Variants in NAALADL2 observed in about 807,000 individuals in gnomAD.
NAALADL2 encodes N-acetylated alpha-linked acidic dipeptidase like 2.
Under a neutral mutation model 87.2 loss-of-function variants are expected in NAALADL2, and 76 were observed. That is an observed-to-expected ratio of 0.87 (90% CI 0.72 to 1.05). The LOEUF is 1.05. Among genes scored for constraint, NAALADL2 ranks in the 50% least tolerant of loss-of-function variants. The pLI is 0.00. For synonymous variants in NAALADL2, 354 were observed against 331.0 expected (o/e 1.07, Z -0.75); for missense variants, 1,089 against 945.8 (o/e 1.15, Z -1.99).
At chr3:175,429,609 A>AT (rs1196833088) in intron 5 of NAALADL2, among the ~76,000 whole-genome samples, 2 of 151,876 alleles carry the variant, frequency 1.3e-5, no homozygotes, top group African/African-American at 4.8e-5. Context: ...CCCCAAATCC[A>AT]TTTTTCCATA....
chr3:175,440,045 C>T (rs1033280150), intron 5 of NAALADL2, among the ~76,000 whole-genome samples: 1 of 152,082 alleles, frequency 6.6e-6, no homozygotes, highest in Non-Finnish European at 1.5e-5. Context: ...TTTGGTTCGT[C>T]TTGAGTTGAT....
intron 3 of NAALADL2, among the ~76,000 whole-genome samples, chr3:174,748,625 C>A (rs1578773908): frequency 6.6e-6 from 1 of 152,110 alleles, no homozygotes; most frequent in African/African-American, 2.4e-5. Flanking sequence ...GGAAAAGATG[C>A]CAGCATTGTT....
intron 11 of NAALADL2, among the ~76,000 whole-genome samples, chr3:175,630,889 C>G (rs978000105): frequency 6.6e-6 from 1 of 151,346 alleles, no homozygotes; most frequent in Non-Finnish European, 1.5e-5. Flanking sequence ...AATTATGAAG[C>G]AGAATTATTA....
At chr3:174,731,766 AACT>A (rs1169227992) in intron 2 of NAALADL2, among the ~76,000 whole-genome samples, 3 of 152,108 alleles carry the variant, frequency 2.0e-5, no homozygotes, top group African/African-American at 7.2e-5. Flanking sequence ...CTAGTGCAAA[AACT>A]ACCTTTAAGA....
At chr3:174,485,172 A>G (rs1717776250) in intron 1 of NAALADL2, among the ~76,000 whole-genome samples, 1 of 151,994 alleles carries the variant, frequency 6.6e-6, no homozygotes, top group Non-Finnish European at 1.5e-5. Flanking sequence ...AATAATATAA[A>G]CCTAAAAATG....
chr3:174,825,591 C>T (rs1298329922), intron 3 of NAALADL2, among the ~76,000 whole-genome samples: 1 of 152,192 alleles, frequency 6.6e-6, no homozygotes, highest in Admixed American at 6.5e-5. Context: ...GTTTTGCCAG[C>T]TATCTGGGCA....
At chr3:174,788,735 G>A (rs1402933490) in intron 3 of NAALADL2, among the ~76,000 whole-genome samples, 1 of 152,094 alleles carries the variant, frequency 6.6e-6, no homozygotes, top group Non-Finnish European at 1.5e-5. Context: ...AGGAAAAAGA[G>A]GTGATAGAAT....
At chr3:174,516,677 T>C (rs1719953458) in intron 1 of NAALADL2, among the ~76,000 whole-genome samples, 2 of 152,098 alleles carry the variant, frequency 1.3e-5, no homozygotes, top group African/African-American at 2.4e-5. Flanking sequence ...TACTCTTGTC[T>C]AATACAAGTT....
chr3:174,488,763 A>G (rs1718009979), intron 1 of NAALADL2, among the ~76,000 whole-genome samples: 1 of 151,950 alleles, frequency 6.6e-6, no homozygotes, highest in South Asian at 2.1e-4. Context: ...CCTGTACTAA[A>G]TCAGCCTACT....
At chr3:175,042,636 T>A (rs1358107808) in intron 1 of NAALADL2, among the ~76,000 whole-genome samples, 1 of 152,234 alleles carries the variant, frequency 6.6e-6, no homozygotes, top group Non-Finnish European at 1.5e-5. Context: ...TTCTAATAGA[T>A]GTGAGGTGAT....
At chr3:175,443,718 C>T (rs1431897103) in intron 5 of NAALADL2, among the ~76,000 whole-genome samples, 6 of 152,054 alleles carry the variant, frequency 3.9e-5, no homozygotes, top group South Asian at 2.1e-4. Flanking sequence ...CCGTTATGTA[C>T]CTGACAAGGT....
chr3:175,647,143 G>A (rs1244049445), intron 11 of NAALADL2, among the ~76,000 whole-genome samples: 2 of 152,036 alleles, frequency 1.3e-5, no homozygotes, highest in South Asian at 2.1e-4. Context: ...TCACCAAAGC[G>A]AGTCATATGG....
At chr3:175,397,737 T>C (rs961562205) in intron 5 of NAALADL2, among the ~76,000 whole-genome samples, 2 of 152,172 alleles carry the variant, frequency 1.3e-5, no homozygotes, top group African/African-American at 2.4e-5. Context: ...AGTTTCTGGG[T>C]CAAATGCACA....
intron 2 of NAALADL2, among the ~76,000 whole-genome samples, chr3:174,566,910 A>T (rs1210677425): frequency 6.6e-6 from 1 of 151,704 alleles, no homozygotes; most frequent in Non-Finnish European, 1.5e-5. Context: ...GGTATGTTTT[A>T]TTGATGATAG....
intron 5 of NAALADL2, among the ~76,000 whole-genome samples, chr3:175,387,526 A>G (rs1267753523): frequency 6.6e-6 from 1 of 151,976 alleles, no homozygotes; most frequent in Non-Finnish European, 1.5e-5. Flanking sequence ...AAATTTAGGA[A>G]CTGTTTTACT....
intron 2 of NAALADL2, among the ~76,000 whole-genome samples, chr3:174,645,949 G>T (rs1723737245): frequency 6.6e-6 from 1 of 152,122 alleles, no homozygotes; most frequent in African/African-American, 2.4e-5. Context: ...AATCACAAGG[G>T]TCTAGACAGT....
intron 2 of NAALADL2, among the ~76,000 whole-genome samples, chr3:174,657,111 C>T (rs992877755): frequency 4.2e-5 from 6 of 142,988 alleles, no homozygotes; most frequent in Non-Finnish European, 6.0e-5. Flanking sequence ...CTCACTACAA[C>T]CTCTACCTCT....
rs67510422 is a variant in NAALADL2, at chr3:175,379,191, C to CT, written c.1090+54881dup. 4.1e-3 allele frequency among the ~76,000 whole-genome samples: 589 copies of CT among 142,774 alleles called. 5 individuals carry two copies. Among genetic ancestry groups the CT allele is most frequent in the African/African-American group, 0.012 (452 of 39,074 alleles). The allele number at this position is 142,774 out of a possible 152,430, so 93.7% of individuals were successfully genotyped here. A position where few individuals can be genotyped will look rare whatever the true frequency, so the allele number is the denominator to read the frequency against. On this transcript the variant is annotated intron_variant, in intron 5 of 13. Coordinates refer to ENST00000454872, the MANE Select transcript of NAALADL2 (RefSeq NM_207015.3). ...TTACTTAACCTGTTTCTTCCTCTCTCTTTTTTTTTTTTTTTCCTGTAGAAT... is the reference window on the plus strand; with the variant it reads ...TTACTTAACCTGTTTCTTCCTCTCTCTTTTTTTTTTTTTTTTCCTGTAGAAT...
At chr3:175,260,420 G>A (rs962522703) in intron 4 of NAALADL2, among the ~76,000 whole-genome samples, 1 of 152,058 alleles carries the variant, frequency 6.6e-6, no homozygotes, top group Non-Finnish European at 1.5e-5. Context: ...CCAGAGATTT[G>A]GGGGAACTCA....
Sources: gnomAD v4.1 joint callset for allele counts (sites outside exome capture counted in the v4.1 genomes callset) on GRCh38, gnomAD v4.1.1 for gene constraint, MANE v1.5 for transcripts, NCBI Gene and HGNC (gene_info 2026-07-23, HGNC 2026-07-21) for gene names.